The following ANO4 variants were observed in gnomAD, a reference collection of about 807,000 sequenced individuals.
ANO4 encodes the protein anoctamin 4, also known as anoctamin-4.
ANO4 carries 69 observed loss-of-function variants against 141.9 expected under a neutral mutation model. That is an observed-to-expected ratio of 0.49 (90% CI 0.40 to 0.59). The LOEUF is 0.59. Ranked by LOEUF, ANO4 falls within the 20% of genes least tolerant of loss-of-function variation. ANO4 has a pLI of 0.00. For missense variants in ANO4, 894 were observed against 1,162.2 expected (o/e 0.77, Z 3.36); for synonymous variants, 350 against 394.3 (o/e 0.89, Z 1.33).
intron 3 of ANO4, among the ~76,000 whole-genome samples, chr12:100,931,820 G>T (rs1353326665): frequency 6.6e-6 from 1 of 152,094 alleles, no homozygotes; most frequent in African/African-American, 2.4e-5. Context: ...TGCATATTGA[G>T]TGTCTCCTAC....
chr12:101,046,823 G>A (rs1383214953), intron 13 of ANO4, among the ~76,000 whole-genome samples: 2 of 152,200 alleles, frequency 1.3e-5, no homozygotes, highest in Non-Finnish European at 2.9e-5. Flanking sequence ...TGTCCCTTGG[G>A]ACCAGCAGGA....
intron 8 of ANO4, among the ~76,000 whole-genome samples, chr12:101,010,966 G>A (rs989498263): frequency 1.3e-5 from 2 of 152,180 alleles, no homozygotes; most frequent in African/African-American, 4.8e-5. Context: ...GTCAACATGT[G>A]GCTGCAGTTG....
intron 1 of ANO4, among the ~76,000 whole-genome samples, chr12:100,873,413 G>A (rs821865): frequency 0.2 from 30,722 of 152,076 alleles, 3,206 homozygotes; most frequent in African/African-American, 0.26. Context: ...GTCCAGGCTG[G>A]GGAGGTCTCA....
intron 13 of ANO4, among the ~76,000 whole-genome samples, chr12:101,047,118 G>A (rs1013905786): frequency 3.3e-5 from 5 of 152,258 alleles, no homozygotes; most frequent in Admixed American, 1.3e-4. Context: ...GCATGATGGC[G>A]GGTGCCTGTA....
chr12:100,774,532 G>T (rs1051846620), intron 3 of ANO4, among the ~76,000 whole-genome samples: 3 of 152,206 alleles, frequency 2.0e-5, no homozygotes, highest in Non-Finnish European at 4.4e-5. Context: ...TTAGTGAGTA[G>T]AGGTTAAACA....
chr12:100,921,843 G>T (rs1487437219), intron 2 of ANO4, among the ~76,000 whole-genome samples: 1 of 152,062 alleles, frequency 6.6e-6, no homozygotes, highest in African/African-American at 2.4e-5. Flanking sequence ...AGAAGAAGAT[G>T]ATATCATAAA....
chr12:100,812,339 G>A (rs1468511223), intron 1 of ANO4, among the ~76,000 whole-genome samples: 1 of 152,120 alleles, frequency 6.6e-6, no homozygotes, highest in East Asian at 1.9e-4. Context: ...TTATGTGACA[G>A]TCTTCAGCAT....
chr12:100,990,690 T>G (rs1015081964), intron 8 of ANO4, among the ~76,000 whole-genome samples: 1 of 152,128 alleles, frequency 6.6e-6, no homozygotes, highest in Non-Finnish European at 1.5e-5. Flanking sequence ...AACAGTATGA[T>G]GGGTGTGACT....
At chr12:100,873,020 C>T (rs2039110037) in intron 1 of ANO4, among the ~76,000 whole-genome samples, 2 of 152,208 alleles carry the variant, frequency 1.3e-5, no homozygotes, top group African/African-American at 2.4e-5. Context: ...CTTTCTTCCT[C>T]CTTCTTTGGC....
At chr12:100,728,226 G>T (rs2031224835) in intron 1 of ANO4, among the ~76,000 whole-genome samples, 1 of 152,090 alleles carries the variant, frequency 6.6e-6, no homozygotes, top group South Asian at 2.1e-4. Context: ...TGTTGAGATG[G>T]GCTTTATTTT....
chr12:101,058,401 AG>A (rs2048215281), intron 14 of ANO4, among the ~76,000 whole-genome samples: 1 of 152,196 alleles, frequency 6.6e-6, no homozygotes, highest in Admixed American at 6.5e-5. Context: ...CTGTGAAGAA[AG>A]TCAGTGGTAG....
At chr12:100,726,112 A>C (rs1369801461) in intron 1 of ANO4, among the ~76,000 whole-genome samples, 1 of 152,174 alleles carries the variant, frequency 6.6e-6, no homozygotes, top group African/African-American at 2.4e-5. Context: ...CTCTCACCTG[A>C]AATTACTTGG....
chr12:100,987,624 G>A lies in ANO4; in HGVS notation c.688G>A (p.Glu230Lys). 1 of 1,614,064 alleles carries A rather than the reference G, an allele frequency of 6.2e-7. No homozygotes were observed. Among genetic ancestry groups the A allele is most frequent in the Non-Finnish European group, 8.5e-7 (1 of 1,179,998 alleles). The stretch of plus-strand genomic sequence containing the variant: ...CAAGGAGACACTGCCAGACCTGGAG[G>A]AGAATGACTGCTACACTGCCCCTTT... ...LDKETLPDLE[E>K]NDCYTAPFSQ... The change falls in exon 8 of 28, where the codon GAG (glutamate) becomes AAG (lysine). Residue 230 changes from glutamate (E) to lysine (K), a missense_variant. Physicochemically the swap from Glu to Lys is moderately conservative, Grantham distance 56. Around this residue, in one of 2 missense-constraint regions of ANO4, gnomAD observed 637 missense variants for 909.2 expected, o/e 0.70. Coordinates refer to ENST00000392977, the MANE Select transcript of ANO4 (RefSeq NM_001286615.2).
At chr12:100,750,672 A>T (rs529267623) in intron 3 of ANO4, among the ~76,000 whole-genome samples, 2 of 152,308 alleles carry the variant, frequency 1.3e-5, no homozygotes, top group East Asian at 3.9e-4. Flanking sequence ...TCTATAAAGA[A>T]AATTTTCTTT....
At chr12:100,767,867 C>A (rs1271591992) in intron 3 of ANO4, among the ~76,000 whole-genome samples, 1 of 152,222 alleles carries the variant, frequency 6.6e-6, no homozygotes, top group African/African-American at 2.4e-5. Flanking sequence ...CTTTCCCCAC[C>A]TCACATGGAG....
intron 3 of ANO4, among the ~76,000 whole-genome samples, chr12:100,760,778 G>A (rs998240893): frequency 6.6e-6 from 1 of 152,166 alleles, no homozygotes; most frequent in African/African-American, 2.4e-5. Context: ...ATCGTCATGG[G>A]CCAGCCCAAG....
intron 1 of ANO4, among the ~76,000 whole-genome samples, chr12:100,818,745 AT>A (rs1374530042): frequency 2.6e-5 from 4 of 151,784 alleles, no homozygotes; most frequent in African/African-American, 9.7e-5. Flanking sequence ...ACAAATCGTG[AT>A]TTTGCCTCCC....
intron 14 of ANO4, among the ~76,000 whole-genome samples, chr12:101,060,416 T>C (rs2136724639): frequency 6.6e-6 from 1 of 152,314 alleles, no homozygotes; most frequent in East Asian, 1.9e-4. Flanking sequence ...CAGAGCAGAG[T>C]TCAAGTTCTG....
At chr12:100,867,645 C>T (rs567086617) in intron 1 of ANO4, among the ~76,000 whole-genome samples, 8 of 151,948 alleles carry the variant, frequency 5.3e-5, no homozygotes, top group Admixed American at 2.0e-4. Context: ...CTCAGAATGA[C>T]GTTTAACCAA....
Sources: gnomAD v4.1 joint callset for allele counts (sites outside exome capture counted in the v4.1 genomes callset) on GRCh38, gnomAD v4.1.1 for gene constraint, gnomAD v4.1.1 regional missense constraint, MANE v1.5 for transcripts, NCBI Gene and HGNC (gene_info 2026-07-23, HGNC 2026-07-21) for gene names.